Variants in VIPR2 observed in about 807,000 individuals in gnomAD.
The protein encoded by VIPR2 is vasoactive intestinal peptide receptor 2, also known as vasoactive intestinal polypeptide receptor 2.
A neutral mutation model predicts 58.0 loss-of-function variants in VIPR2; 48 were observed. That is an observed-to-expected ratio of 0.83 (90% confidence interval 0.66 to 1.05). The LOEUF (loss-of-function observed/expected upper bound fraction) is 1.05, where lower values mean the gene tolerates loss of function less well. Ranked by LOEUF, VIPR2 falls within the 50% of genes least tolerant of loss-of-function variation. The pLI, the probability that VIPR2 is intolerant of heterozygous loss-of-function variation, is 0.00. For missense variants in VIPR2, 534 were observed against 558.0 expected (o/e 0.96, Z 0.43); for synonymous variants, 243 against 235.2 (o/e 1.03, Z -0.30).
intron 4 of VIPR2, among the ~76,000 whole-genome samples, chr7:159,082,407 T>C (rs374839427): frequency 0.013 from 2,039 of 152,134 alleles, 28 homozygotes; most frequent in Admixed American, 0.029. Flanking sequence ...TAGGTGGGAA[T>C]TGAACAATGA....
At chr7:159,059,565 C>T (rs972114249) in intron 4 of VIPR2, among the ~76,000 whole-genome samples, 1 of 152,176 alleles carries the variant, frequency 6.6e-6, no homozygotes, top group African/African-American at 2.4e-5. Flanking sequence ...AACATATTAA[C>T]CCATTTACTT....
At position 159,136,409 on chromosome 7, in the gene VIPR2, G is replaced by A. The variant is rs187251316; in HGVS notation, c.151+6037C>T. 8.5e-5 allele frequency among the ~76,000 whole-genome samples: 13 copies of A among 152,304 alleles called. No individual in the cohort carries two copies. In the East Asian group the frequency reaches 1.2e-3, roughly 14 times the overall value. ...TACATTGAGGATTGTTTTAACCTAA[G>A]TATTGAAGGGGATAAATATTCAAAC... On this transcript the variant is annotated intron_variant, in intron 2 of 12. Transcript: ENST00000262178.
intron 2 of VIPR2, among the ~76,000 whole-genome samples, chr7:159,130,464 G>GT (rs11424745): frequency 0.92 from 140,117 of 152,192 alleles, 64,539 homozygotes; most frequent in East Asian, 0.95. Context: ...TCTTTTCAGG[G>GT]TTCTGCATGT....
intron 4 of VIPR2, among the ~76,000 whole-genome samples, chr7:159,075,551 G>C (rs1167217070): frequency 6.6e-6 from 1 of 152,228 alleles, no homozygotes; most frequent in Non-Finnish European, 1.5e-5. Flanking sequence ...AGGCCAGTGA[G>C]GAGCCCAGGG....
At chr7:159,072,498 C>T (rs1418663029) in intron 4 of VIPR2, among the ~76,000 whole-genome samples, 1 of 152,160 alleles carries the variant, frequency 6.6e-6, no homozygotes, top group Non-Finnish European at 1.5e-5. Context: ...GAAAATAAAG[C>T]ATTCAACTAA....
intron 12 of VIPR2, 140 bp from the exon 13 acceptor site, chr7:159,030,929 AAACGG>A: frequency 8.3e-7 from 1 of 1,198,704 alleles, no homozygotes; most frequent in East Asian, 2.8e-5. Flanking sequence ...ACAGAAACAG[AAACGG>A]CCTTGGGGGC....
chr7:159,054,099 A>G (rs1193777711), intron 5 of VIPR2, among the ~76,000 whole-genome samples: 1 of 152,176 alleles, frequency 6.6e-6, no homozygotes, highest in Non-Finnish European at 1.5e-5. Context: ...CTGTGAAGAG[A>G]AGCATTGCAG....
At chr7:159,123,245 G>T (rs552755787) in intron 2 of VIPR2, among the ~76,000 whole-genome samples, 1 of 129,956 alleles carries the variant, frequency 7.7e-6, no homozygotes, top group East Asian at 2.5e-4. Context: ...GTGAGCCAAG[G>T]TCGCCCCACT....
At position 159,095,286 on chromosome 7, in the gene VIPR2, C is replaced by A. The variant is rs1317531829; in HGVS notation, c.357+8471G>T. Among the ~76,000 whole-genome samples the A allele has an allele frequency of 6.6e-6, 1 of 152,138 alleles. No homozygotes were observed. The highest frequency in any genetic ancestry group is 1.9e-4 in the East Asian group (1 of 5,198). ...GACCAGCCCTGCTTTTAGGGGATTC[C>A]TAACATTTAAGGGGTGAAAAGGCGT... On this transcript the variant is annotated intron_variant, in intron 4 of 12. Coordinates refer to ENST00000262178, the MANE Select transcript of VIPR2 (RefSeq NM_003382.5). The surrounding 1 kb of genome is among the most constrained non-coding windows in gnomAD (Gnocchi z 5.2).
intron 2 of VIPR2, among the ~76,000 whole-genome samples, chr7:159,122,066 G>A (rs192179838): frequency 1.1e-4 from 17 of 152,304 alleles, no homozygotes; most frequent in Admixed American, 5.2e-4. Flanking sequence ...CTCCAGCCCC[G>A]CTTTAACTCC....
chr7:159,036,935 G>A (rs776200872), intron 6 of VIPR2, 33 bp from the exon 7 acceptor site: 2 of 1,595,230 alleles, frequency 1.3e-6, no homozygotes, highest in Admixed American at 1.7e-5. Flanking sequence ...AGGAAAGCAT[G>A]ACCTCATCCG....
intron 4 of VIPR2, among the ~76,000 whole-genome samples, chr7:159,076,306 A>C (rs1209843776): frequency 6.6e-6 from 1 of 152,260 alleles, no homozygotes; most frequent in Admixed American, 6.5e-5. Context: ...AAGATAGATC[A>C]GCTTAGGGGT....
At chr7:159,123,983 A>G (rs921293565) in intron 2 of VIPR2, among the ~76,000 whole-genome samples, 2 of 151,778 alleles carry the variant, frequency 1.3e-5, no homozygotes, top group African/African-American at 2.4e-5. Context: ...TCCTCTGCCT[A>G]CTCTTTAATA....
At position 159,030,494 on chromosome 7, in the gene VIPR2, CAG is replaced by C; in HGVS notation, c.*120_*121del. On this transcript the variant is annotated 3_prime_UTR_variant, in exon 13 of 13. Coordinates refer to ENST00000262178, the MANE Select transcript of VIPR2 (RefSeq NM_003382.5). Reference sequence around the variant, plus strand: ...TAGTGGACAACCAGCTTGACGGAGTCAGGACCGCGCTGACCTGCCCGACACGG... The same window carrying C: ...TAGTGGACAACCAGCTTGACGGAGTCGACCGCGCTGACCTGCCCGACACGG... The C allele has an allele frequency of 7.8e-7, 1 of 1,277,972 alleles. No homozygotes were observed. Among genetic ancestry groups the C allele is most frequent in the Non-Finnish European group, 1.0e-6 (1 of 960,354 alleles). The allele number at this position is 1,277,972 out of a possible 1,614,324, so 79.2% of individuals were successfully genotyped here.
intron 2 of VIPR2, among the ~76,000 whole-genome samples, chr7:159,116,226 G>T (rs1174620073): frequency 6.6e-6 from 1 of 152,140 alleles, no homozygotes; most frequent in Non-Finnish European, 1.5e-5. Flanking sequence ...GAACCTTTTG[G>T]GCCAACCTCA....
chr7:159,105,309 C>T (rs1858581428), intron 3 of VIPR2, among the ~76,000 whole-genome samples: 1 of 151,904 alleles, frequency 6.6e-6, no homozygotes. Context: ...CAGAGCGGAG[C>T]CCCTGTCTCC....
At chr7:159,062,496 A>C (rs551691748) in intron 4 of VIPR2, among the ~76,000 whole-genome samples, 1 of 151,938 alleles carries the variant, frequency 6.6e-6, no homozygotes, top group Non-Finnish European at 1.5e-5. Context: ...CTTCACGGTG[A>C]GTGTTACAGC....
At chr7:159,139,339 G>A (rs1267252253) in intron 2 of VIPR2, among the ~76,000 whole-genome samples, 1 of 152,156 alleles carries the variant, frequency 6.6e-6, no homozygotes, top group Non-Finnish European at 1.5e-5. Flanking sequence ...CTGCATCGGA[G>A]GGGGCCGCTC....
At position 159,098,991 on chromosome 7, in the gene VIPR2, C is replaced by G. The variant is rs374141643; in HGVS notation, c.357+4766G>C. Among the ~76,000 whole-genome samples the G allele has an allele frequency of 6.6e-6, 1 of 152,208 alleles. No homozygotes were observed. Among genetic ancestry groups the G allele is most frequent in the Non-Finnish European group, 1.5e-5 (1 of 68,038 alleles). On this transcript the variant is annotated intron_variant, in intron 4 of 12. Transcript: ENST00000262178. This position sits in a 1 kb window ranked among gnomAD's most constrained non-coding sequence, Gnocchi z 5.2. ...GGCCCAGGACCGTGCATGTCCACCC[C>G]GTGGCTGCCTGGGGCCTGTTCTGGT...
Sources: allele counts gnomAD v4.1 joint callset (sites outside exome capture counted in the v4.1 genomes callset), GRCh38; gene constraint gnomAD v4.1.1; non-coding constraint Gnocchi (gnomAD v3.1); transcripts MANE v1.5; gene names NCBI Gene and HGNC (gene_info 2026-07-23, HGNC 2026-07-21).